TPPP2: variants seen among roughly 807,000 people sequenced by gnomAD.
The protein encoded by TPPP2 is tubulin polymerization promoting protein family member 2, also known as tubulin polymerization-promoting protein family member 2.
In TPPP2, 8 loss-of-function variants were observed where a neutral mutation model predicts 13.0. That is an observed-to-expected ratio of 0.62 (90% confidence interval 0.36 to 1.11). The LOEUF is 1.11. Ranked by LOEUF, TPPP2 falls within the 50% of genes most tolerant of loss-of-function variation. The pLI is 0.02. For synonymous variants in TPPP2, 81 were observed against 81.8 expected, an observed-to-expected ratio of 0.99 and a Z score of 0.05; for missense variants, 213 against 216.9, an observed-to-expected ratio of 0.98 and a Z score of 0.11.
chr14:21,033,775 A>G, downstream of TPPP2: 1 of 1,247,852 alleles, frequency 8.0e-7, no homozygotes, highest in Non-Finnish European at 1.2e-6. Flanking sequence ...GGAAATGGAG[A>G]CAGCTGGCCT....
At position 21,032,221 on chromosome 14, in the gene TPPP2, G is replaced by A. The variant is rs1178529450; in HGVS notation, c.*144G>A. The A allele has an allele frequency of 3.1e-5, 28 of 892,178 alleles. No individual in the cohort carries two copies. The Admixed American group carries it at 5.0e-4, about 16-fold the overall frequency. 55.3% of individuals were successfully genotyped at this position (892,178 alleles called of 1,614,324 possible). On this transcript the variant is annotated 3_prime_UTR_variant, in exon 4 of 4. Transcript: ENST00000321760. ...ATGAGCCTACTAGTGTAGAGAGAGG[G>A]AGAAGAGGCAGCACAGGAGGGTGGG...
intron 3 of TPPP2, 155 bp downstream of exon 3, chr14:21,031,320 C>T (rs939818223): frequency 2.0e-6 from 2 of 1,007,204 alleles, no homozygotes; most frequent in African/African-American, 3.3e-5. Flanking sequence ...GAAAATGTGG[C>T]CCAGAGAAGG....
intron 3 of TPPP2, 91 bp downstream of exon 3, chr14:21,031,256 T>C (rs991074616): frequency 3.1e-5 from 47 of 1,496,638 alleles, no homozygotes; most frequent in Non-Finnish European, 3.7e-5. Flanking sequence ...TGTGTGACTG[T>C]AGAGACAGGG....
upstream of TPPP2, chr14:21,025,816 GAGAGGATGGCCAACAGGGACTCT>G: frequency 1.5e-6 from 1 of 683,604 alleles, no homozygotes; most frequent in Non-Finnish European, 1.8e-6. This position sits in a 1 kb window ranked among gnomAD's most constrained non-coding sequence, Gnocchi z 5.1. Context: ...GGGGGGTGGG[GAGAGGATGGCCAACAGGGACTCT>G]GGGGTCAATG....
chr14:21,025,392 A>G, upstream of TPPP2: 2 of 985,486 alleles, frequency 2.0e-6, no homozygotes, highest in Non-Finnish European at 2.4e-6. The surrounding 1 kb of genome is among the most constrained non-coding windows in gnomAD (Gnocchi z 5.1). Context: ...CCCATCCACG[A>G]CCTGGATCTG....
upstream of TPPP2, chr14:21,025,763 A>C: frequency 8.0e-6 from 7 of 873,040 alleles, no homozygotes; most frequent in African/African-American, 1.8e-5. The surrounding 1 kb of genome is among the most constrained non-coding windows in gnomAD (Gnocchi z 5.1). Flanking sequence ...GGGGGCGGGG[A>C]ATGCGGGGGG....
chr14:21,030,802 T>C, intron 2 of TPPP2, 48 bp downstream of exon 2: 2 of 1,599,696 alleles, frequency 1.3e-6, no homozygotes, highest in Non-Finnish European at 8.5e-7. Context: ...ACCTGCGAGG[T>C]AGTTGGCCAC....
In TPPP2 at chr14:21,032,362, A is replaced by T. The variant is rs1566488461; in HGVS notation, c.*285A>T. On this transcript the variant is annotated 3_prime_UTR_variant, in exon 4 of 4. Transcript: ENST00000321760. The stretch of plus-strand genomic sequence containing the variant: ...ATGGAAGAATATATTTGGAGTAAAG[A>T]GATGAACCAGATGTGGAGGTAAAAG... 2.0e-6 allele frequency: 1 copy of T among 511,932 alleles called. No individual in the cohort carries two copies. The highest frequency in any genetic ancestry group is 2.2e-5 in the African/African-American group (1 of 46,212). 31.7% of individuals were successfully genotyped at this position (511,932 alleles called of 1,614,324 possible).
chr14:21,027,575 C>A (rs1053214562), upstream of TPPP2, among the ~76,000 whole-genome samples: 3 of 152,196 alleles, frequency 2.0e-5, no homozygotes, highest in Non-Finnish European at 4.4e-5. Context: ...GGTATAGTAT[C>A]CCCTGATGGA....
upstream of TPPP2, chr14:21,025,253 G>A (rs2139041689): frequency 2.3e-6 from 2 of 853,092 alleles, no homozygotes; most frequent in Non-Finnish European, 2.8e-6. The surrounding 1 kb of genome is among the most constrained non-coding windows in gnomAD (Gnocchi z 5.1). Flanking sequence ...GGGGCGGGCG[G>A]CTGGACGCTT....
upstream of TPPP2, among the ~76,000 whole-genome samples, chr14:21,028,241 T>TTTTTGTTTTGTTTTG (rs71112541): frequency 6.7e-6 from 1 of 150,340 alleles, no homozygotes. Flanking sequence ...CTTGGGGTTC[T>TTTTTGTTTTGTTTTG]TTTTGTTTTG....
downstream of TPPP2, chr14:21,036,288 A>G (rs1243464): frequency 0.78 from 355,735 of 455,998 alleles, 139,662 homozygotes; most frequent in East Asian, 0.87. Context: ...AAAAAGTGTG[A>G]TCCCTTCTTT....
chr14:21,025,085 G>A lies in TPPP2; in HGVS notation n.236+741G>A, dbSNP rs1594455900. 1.0e-6 allele frequency: 1 copy of A among 986,108 alleles called. No individual in the cohort carries two copies. The allele number at this position is 986,108 out of a possible 1,614,324, so 61.1% of individuals were successfully genotyped here. On this transcript the variant is annotated intron_variant and non_coding_transcript_variant, in intron 1 of 1. Coordinates refer to the TPPP2 transcript ENST00000533755. The surrounding 1 kb of genome is among the most constrained non-coding windows in gnomAD (Gnocchi z 5.1). ...TTGCCTTTGACTCGGGCCCGCCCCG[G>A]CTCGGGCTTCCCGCAGACCCGCCCC...
downstream of TPPP2, chr14:21,034,170 G>T: frequency 6.2e-7 from 1 of 1,614,000 alleles, no homozygotes; most frequent in Non-Finnish European, 8.5e-7. Context: ...GTTAACCCTG[G>T]GATAGTCAAT....
chr14:21,031,568 A>G (rs534597165), intron 3 of TPPP2, among the ~76,000 whole-genome samples: 5 of 152,122 alleles, frequency 3.3e-5, no homozygotes, highest in Non-Finnish European at 7.3e-5. Context: ...AGCTCTTTCT[A>G]CAGTGGATAT....
chr14:21,026,333 T>C (rs1180124507), upstream of TPPP2, among the ~76,000 whole-genome samples: 1 of 135,214 alleles, frequency 7.4e-6, no homozygotes, highest in Non-Finnish European at 1.6e-5. Context: ...CCCAGGATCA[T>C]ATCCACCCCA....
At chr14:21,027,461 G>C (rs1265327939), upstream of TPPP2, among the ~76,000 whole-genome samples, 1 of 152,172 alleles carries the variant, frequency 6.6e-6, no homozygotes, top group Non-Finnish European at 1.5e-5. Flanking sequence ...TACAAACACA[G>C]GACAAGTTAT....
At chr14:21,028,087 CAT>C (rs1275254335), upstream of TPPP2, among the ~76,000 whole-genome samples, 5 of 152,128 alleles carry the variant, frequency 3.3e-5, no homozygotes, top group African/African-American at 1.2e-4. Flanking sequence ...TAGTAAATGA[CAT>C]ATCTAGGATT....
At chr14:21,026,225 T>C (rs1427679425), upstream of TPPP2, among the ~76,000 whole-genome samples, 1 of 152,038 alleles carries the variant, frequency 6.6e-6, no homozygotes, top group East Asian at 1.9e-4. Flanking sequence ...AATGAGTTAG[T>C]TGATTAAAAA....
Sources: gnomAD v4.1 joint callset for allele counts (sites outside exome capture counted in the v4.1 genomes callset) on GRCh38, gnomAD v4.1.1 for gene constraint, Gnocchi (gnomAD v3.1) non-coding constraint, MANE v1.5 for transcripts, NCBI Gene and HGNC (gene_info 2026-07-23, HGNC 2026-07-21) for gene names.